SCMH1: variants seen among roughly 807,000 people sequenced by gnomAD.
SCMH1 encodes Scm polycomb group protein homolog 1.
SCMH1 carries 37 observed loss-of-function variants against 70.8 expected under a neutral mutation model. The observed-to-expected ratio is 0.52, with a 90% CI of 0.40 to 0.69. The LOEUF (loss-of-function observed/expected upper bound fraction) is 0.69, where lower values mean the gene tolerates loss of function less well. SCMH1 is among the 30% of genes least tolerant of loss of function. The pLI is 0.00. For synonymous variants in SCMH1, 292 were observed against 307.4 expected, an observed-to-expected ratio of 0.95 and a Z score of 0.52; for missense variants, 607 against 827.3, an observed-to-expected ratio of 0.73 and a Z score of 3.27.
rs768254330 is a variant in SCMH1 at position 41,151,718 on chromosome 1, A to G, written c.107-34T>C. The stretch of plus-strand genomic sequence containing the variant: ...GAAATAGAAATCTATATCACAGTCA[A>G]CTTCCTAAAAAAAATGTTTTCAGGG... On this transcript the variant is annotated intron_variant, in intron 4 of 14. Transcript: ENST00000337495. 4 of 1,503,634 alleles carry G rather than the reference A, an allele frequency of 2.7e-6. No homozygotes were observed. The South Asian group carries it at 3.5e-5, about 13-fold the overall frequency. 93.1% of individuals were successfully genotyped at this position (1,503,634 alleles called of 1,614,324 possible). A position where few individuals can be genotyped will look rare whatever the true frequency, so the allele number is the denominator to read the frequency against.
chr1:41,167,922 T>C lies in SCMH1; in HGVS notation c.14-6490A>G, dbSNP rs1329514861. ...TGCTGGCAGTGTTTTGTTTTTTTTTTTTTTTTCCTTTCAGGGTTTTGAATG... is the reference window on the plus strand; with the variant it reads ...TGCTGGCAGTGTTTTGTTTTTTTTTCTTTTTTCCTTTCAGGGTTTTGAATG... On this transcript the variant is annotated intron_variant, in intron 2 of 14. Transcript: ENST00000337495. Among the ~76,000 whole-genome samples, 32 of 151,398 alleles carry C rather than the reference T, an allele frequency of 2.1e-4. 1 individual carries two copies. In the South Asian group the frequency reaches 5.8e-3, roughly 28 times the overall value.
At chr1:41,059,692 G>A (rs1297173268) in intron 10 of SCMH1, among the ~76,000 whole-genome samples, 1 of 152,212 alleles carries the variant, frequency 6.6e-6, no homozygotes, top group East Asian at 1.9e-4. Flanking sequence ...AGCTAAAAGA[G>A]CACTGTAGCA....
At chr1:41,057,118 G>A (rs914553574) in intron 10 of SCMH1, among the ~76,000 whole-genome samples, 1 of 152,132 alleles carries the variant, frequency 6.6e-6, no homozygotes, top group Non-Finnish European at 1.5e-5. Context: ...AGGTGGGGGC[G>A]GGGACCAGAA....
intron 2 of SCMH1, among the ~76,000 whole-genome samples, chr1:41,169,384 T>C (rs1646636385): frequency 6.6e-6 from 1 of 151,624 alleles, no homozygotes; most frequent in African/African-American, 2.4e-5. Context: ...GGAGAACAAA[T>C]GGGACCTACA....
At chr1:41,101,986 G>C (rs78664253) in intron 8 of SCMH1, among the ~76,000 whole-genome samples, 2,858 of 152,230 alleles carry the variant, frequency 0.019, 90 homozygotes, top group East Asian at 0.1. Context: ...AACTAAACAT[G>C]CCTAGTTATA....
At chr1:41,185,435 C>G (rs1649914635) in intron 2 of SCMH1, among the ~76,000 whole-genome samples, 1 of 152,182 alleles carries the variant, frequency 6.6e-6, no homozygotes, top group Non-Finnish European at 1.5e-5. Context: ...AATTGGCCCA[C>G]TTTAGCCTCC....
intron 1 of SCMH1, among the ~76,000 whole-genome samples, chr1:41,234,073 C>T (rs1163145278): frequency 1.3e-5 from 2 of 152,198 alleles, no homozygotes; most frequent in East Asian, 3.9e-4. Context: ...GTCTTTACCT[C>T]TTCCTATCTG....
intron 6 of SCMH1, among the ~76,000 whole-genome samples, chr1:41,123,926 G>C (rs1672545051): frequency 6.6e-6 from 1 of 152,172 alleles, no homozygotes; most frequent in Admixed American, 6.5e-5. Flanking sequence ...TATCTCAGGA[G>C]AGCCATTTTG....
chr1:41,238,433 A>C (rs1226168157), intron 1 of SCMH1, among the ~76,000 whole-genome samples: 1 of 152,174 alleles, frequency 6.6e-6, no homozygotes, highest in Non-Finnish European at 1.5e-5. Flanking sequence ...AAGTAAAAAA[A>C]CTATTACCTT....
At chr1:41,157,279 A>G (rs2300644) in intron 4 of SCMH1, among the ~76,000 whole-genome samples, 11,884 of 152,258 alleles carry the variant, frequency 0.078, 598 homozygotes, top group South Asian at 0.13. Flanking sequence ...AAAATAAAAT[A>G]CTATTATAAT....
chr1:41,109,529 T>C (rs1487768488), intron 8 of SCMH1, among the ~76,000 whole-genome samples: 1 of 152,192 alleles, frequency 6.6e-6, no homozygotes, highest in Non-Finnish European at 1.5e-5. Flanking sequence ...AAACTTCTGC[T>C]GTTATAGAAA....
intron 2 of SCMH1, among the ~76,000 whole-genome samples, chr1:41,172,586 C>T (rs939065923): frequency 6.6e-6 from 1 of 151,936 alleles, no homozygotes; most frequent in African/African-American, 2.4e-5. Context: ...AAAAAAAACC[C>T]TAAAATTTGT....
intron 1 of SCMH1, among the ~76,000 whole-genome samples, chr1:41,230,434 A>C (rs1172972578): frequency 6.6e-6 from 1 of 152,120 alleles, no homozygotes; most frequent in East Asian, 1.9e-4. Flanking sequence ...CGGGAGGATC[A>C]CTGGAGCCCA....
chr1:41,182,732 CA>C (rs200407409), intron 2 of SCMH1, among the ~76,000 whole-genome samples: 8 of 150,734 alleles, frequency 5.3e-5, no homozygotes, highest in Non-Finnish European at 1.0e-4. Flanking sequence ...AAGACAAAAA[CA>C]AAAAAAACAA....
intron 1 of SCMH1, among the ~76,000 whole-genome samples, chr1:41,209,105 A>AC (rs746806391): frequency 3.7e-4 from 57 of 152,248 alleles, no homozygotes; most frequent in Non-Finnish European, 5.9e-4. Flanking sequence ...CAAATAAACT[A>AC]GAAAATCTAG....
chr1:41,070,006 T>C (rs1655931559), intron 10 of SCMH1, among the ~76,000 whole-genome samples: 1 of 152,190 alleles, frequency 6.6e-6, no homozygotes, highest in African/African-American at 2.4e-5. Context: ...TTATCTTAAC[T>C]TACACATTAA....
intron 8 of SCMH1, among the ~76,000 whole-genome samples, chr1:41,096,968 C>G (rs1019634675): frequency 1.3e-5 from 2 of 152,174 alleles, no homozygotes; most frequent in Non-Finnish European, 2.9e-5. Flanking sequence ...TTTTTAATCA[C>G]TCTGGGGCCC....
At chr1:41,193,736 G>A (rs962197890) in intron 1 of SCMH1, among the ~76,000 whole-genome samples, 3 of 152,116 alleles carry the variant, frequency 2.0e-5, no homozygotes, top group Non-Finnish European at 4.4e-5. Flanking sequence ...AACTGAATGA[G>A]CTGAGGCTAG....
intron 6 of SCMH1, among the ~76,000 whole-genome samples, chr1:41,128,507 T>C (rs1486849985): frequency 2.0e-5 from 3 of 152,204 alleles, no homozygotes; most frequent in African/African-American, 7.2e-5. Flanking sequence ...TTGCACTGTT[T>C]CTGACGAGAA....
Sources: allele counts gnomAD v4.1 joint callset (sites outside exome capture counted in the v4.1 genomes callset), GRCh38; gene constraint gnomAD v4.1.1; transcripts MANE v1.5; gene names NCBI Gene and HGNC (gene_info 2026-07-23, HGNC 2026-07-21).